Variants in FNTB observed in about 807,000 individuals in gnomAD.
FNTB encodes the protein farnesyltransferase, CAAX box, subunit beta.
A neutral mutation model predicts 59.4 loss-of-function variants in FNTB; 27 were observed. The ratio of observed to expected loss-of-function variants is 0.45; its 90% confidence interval spans 0.34 to 0.63. The LOEUF is 0.63. Ranked by LOEUF, FNTB falls within the 20% of genes least tolerant of loss-of-function variation. The probability of loss-of-function intolerance (pLI) is 0.02; values close to 1 mark genes in which losing one functional copy is unlikely to be tolerated. For missense variants in FNTB, 449 were observed against 559.6 expected (o/e 0.80, Z 1.99); for synonymous variants, 230 against 220.7 (o/e 1.04, Z -0.37).
intron 7 of FNTB, among the ~76,000 whole-genome samples, chr14:65,033,850 C>T (rs965198630): frequency 6.6e-6 from 1 of 152,000 alleles, no homozygotes; most frequent in Non-Finnish European, 1.5e-5. Context: ...GGGCGAGACT[C>T]CATCTCAAAA....
chr14:65,017,113 G>A (rs994161392), intron 4 of FNTB, among the ~76,000 whole-genome samples: 5 of 152,158 alleles, frequency 3.3e-5, no homozygotes, highest in Middle Eastern at 3.4e-3. Context: ...AGTAGAGGTA[G>A]GCTTTCACCA....
rs954038344 is a variant in FNTB, at chr14:65,013,257, A to T, written c.282+868A>T. Among the ~76,000 whole-genome samples the T allele has an allele frequency of 7.9e-5, 12 of 152,202 alleles. 1 individual carries two copies. Among genetic ancestry groups the T allele is most frequent in the African/African-American group, 2.9e-4 (12 of 41,506 alleles). ...GGCTAACTGGAGACCCTGTGCCCTT[A>T]ACTTCTTTCCTGCCCATTACTGCCA... On this transcript the variant is annotated intron_variant, in intron 3 of 11. Transcript: ENST00000246166.
chr14:65,056,310 C>G (rs1353718853), intron 11 of FNTB, among the ~76,000 whole-genome samples: 1 of 152,148 alleles, frequency 6.6e-6, no homozygotes, highest in South Asian at 2.1e-4. Context: ...TCTCTGTTCT[C>G]CTGCTAGTTA....
rs1038289028 is a variant in FNTB at position 65,054,921 on chromosome 14, T to C, written c.1182+232T>C. 2.6e-5 allele frequency among the ~76,000 whole-genome samples: 4 copies of C among 152,218 alleles called. No individual in the cohort carries two copies. The highest frequency in any genetic ancestry group is 9.6e-5 in the African/African-American group (4 of 41,454). ...GGTCTGATCTGTCAAAGAGCTGTTG[T>C]GCCTTTATCCCAGGGCTGAGGACCT... On this transcript the variant is annotated intron_variant, in intron 11 of 11. Coordinates refer to ENST00000246166, the MANE Select transcript of FNTB (RefSeq NM_002028.4). The surrounding 1 kb of genome is among the most constrained non-coding windows in gnomAD (Gnocchi z 4.4).
At chr14:65,018,731 A>C (rs1159390875) in intron 4 of FNTB, among the ~76,000 whole-genome samples, 1 of 150,310 alleles carries the variant, frequency 6.7e-6, no homozygotes, top group Non-Finnish European at 1.5e-5. Context: ...AATTGCTTGA[A>C]TCTGGGAGGT....
Position 65,012,453 on chromosome 14 carries a change from T to TTGAG in FNTB, c.282+65_282+66insGAGT. The TTGAG allele has an allele frequency of 6.2e-7, 1 of 1,603,506 alleles. No homozygotes were observed. Among genetic ancestry groups the TTGAG allele is most frequent in the Non-Finnish European group, 8.5e-7 (1 of 1,172,398 alleles). ...CCACCAAATCCTCCTCCTTTTTCTA[T>TTGAG]TTAAACGTAAAAGACTGTTGGGGCT... On this transcript the variant is annotated intron_variant, in intron 3 of 11. Transcript: ENST00000246166. The surrounding 1 kb of genome is among the most constrained non-coding windows in gnomAD (Gnocchi z 5.0).
rs752063880 is a variant in FNTB at position 65,040,776 on chromosome 14, C to T, written c.693-14C>T. On this transcript the variant is annotated splice_polypyrimidine_tract_variant and intron_variant, in intron 7 of 11. Coordinates refer to ENST00000246166, the MANE Select transcript of FNTB (RefSeq NM_002028.4). ...CACTGGCCACTCATTCTGCTTTTCT[C>T]AATCTCTTCTTAGGTGTCAGAACTG... 9.3e-6 allele frequency: 15 copies of T among 1,609,948 alleles called. No individual in the cohort carries two copies. Among genetic ancestry groups the T allele is most frequent in the Non-Finnish European group, 1.3e-5 (15 of 1,177,940 alleles).
At chr14:65,052,253 G>C (rs1228352951) in intron 9 of FNTB, among the ~76,000 whole-genome samples, 1 of 152,146 alleles carries the variant, frequency 6.6e-6, no homozygotes, top group Non-Finnish European at 1.5e-5. Flanking sequence ...TATGCCTATA[G>C]TGGTATAAGT....
chr14:65,051,112 T>C (rs930839823), intron 9 of FNTB, among the ~76,000 whole-genome samples: 1 of 152,224 alleles, frequency 6.6e-6, no homozygotes, highest in Non-Finnish European at 1.5e-5. Context: ...ATGCTTCTCC[T>C]TAGGTCGGAC....
Position 64,987,138 on chromosome 14 carries a change from T to C in FNTB, c.144+41T>C, listed in dbSNP as rs191661409. The stretch of plus-strand genomic sequence containing the variant: ...TGGGCGAGGCGCCCGCGCGATGTGT[T>C]CTGGGAGCGCGAGTCCCGTTCGTAG... On this transcript the variant is annotated intron_variant, in intron 1 of 11. Coordinates refer to ENST00000246166, the MANE Select transcript of FNTB (RefSeq NM_002028.4). 2,810 of 1,610,596 alleles carry C rather than the reference T, an allele frequency of 1.7e-3. 26 individuals are homozygous for C. The African/African-American group carries it at 0.019, about 11-fold the overall frequency.
At position 65,054,535 on chromosome 14, in the gene FNTB, G is replaced by A; in HGVS notation, c.1068-40G>A. On this transcript the variant is annotated intron_variant, in intron 10 of 11. Transcript: ENST00000246166. The surrounding 1 kb of genome is among the most constrained non-coding windows in gnomAD (Gnocchi z 4.4). ...GTGGCTACATTTGTAGATGTGTGCGGAGCAGAGGAGCGCCTGCTCAGAGCT... is the reference window on the plus strand; with the variant it reads ...GTGGCTACATTTGTAGATGTGTGCGAAGCAGAGGAGCGCCTGCTCAGAGCT... The A allele has an allele frequency of 2.5e-6, 4 of 1,587,668 alleles. No homozygotes were observed. The highest frequency in any genetic ancestry group is 3.4e-6 in the Non-Finnish European group (4 of 1,165,096).
intron 3 of FNTB, among the ~76,000 whole-genome samples, chr14:65,013,828 G>A (rs1161423084): frequency 6.6e-6 from 1 of 152,224 alleles, no homozygotes; most frequent in Non-Finnish European, 1.5e-5. Context: ...GGTTACAGGC[G>A]TGAGCTACTG....
rs1555335249 is a variant in FNTB at position 65,032,013 on chromosome 14, T to TGTAC, written c.606-595_606-594insACGT. 5.5e-4 allele frequency among the ~76,000 whole-genome samples: 84 copies of TGTAC among 151,692 alleles called. No individual in the cohort carries two copies. Among genetic ancestry groups the TGTAC allele is most frequent in the African/African-American group, 2.0e-3 (82 of 41,330 alleles). ...GTGTGTGTGTGTGTGTGTGTGTGTG[T>TGTAC]GTGTGTACTGGTGAGAGGTTTGAAA... On this transcript the variant is annotated intron_variant, in intron 6 of 11. Transcript: ENST00000246166. The surrounding 1 kb of genome is among the most constrained non-coding windows in gnomAD (Gnocchi z 5.0).
chr14:65,032,412 C>T lies in FNTB; in HGVS notation c.606-198C>T. The stretch of plus-strand genomic sequence containing the variant: ...GAATGTCATGTTCTTTCACTGAAGC[C>T]ATGCCGTGAGCAACTCTATCCAAAT... On this transcript the variant is annotated intron_variant, in intron 6 of 11. Transcript: ENST00000246166. This position sits in a 1 kb window ranked among gnomAD's most constrained non-coding sequence, Gnocchi z 5.0. The T allele has an allele frequency of 6.2e-6, 3 of 483,736 alleles. No individual in the cohort carries two copies. The highest frequency in any genetic ancestry group is 1.1e-5 in the Non-Finnish European group (3 of 275,454). The allele number at this position is 483,736 out of a possible 1,614,324, so 30.0% of individuals were successfully genotyped here.
rs1888308019 is a variant in FNTB at position 64,994,119 on chromosome 14, T to A, written c.144+7022T>A. On this transcript the variant is annotated intron_variant, in intron 1 of 11. Transcript: ENST00000246166. This position sits in a 1 kb window ranked among gnomAD's most constrained non-coding sequence, Gnocchi z 4.2. ...ATCCACCCGCTTCCACCTCCCAAAGTGCTGGGATTACAGGCGTGAGGTACC... is the reference window on the plus strand; with the variant it reads ...ATCCACCCGCTTCCACCTCCCAAAGAGCTGGGATTACAGGCGTGAGGTACC... 6.6e-6 allele frequency among the ~76,000 whole-genome samples: 1 copy of A among 152,164 alleles called. No homozygotes were observed. The highest frequency in any genetic ancestry group is 1.5e-5 in the Non-Finnish European group (1 of 68,028).
In FNTB at chr14:65,009,379, G is replaced by A. The variant is rs914817649; in HGVS notation, c.210-2938G>A. On this transcript the variant is annotated intron_variant, in intron 2 of 11. Coordinates refer to ENST00000246166, the MANE Select transcript of FNTB (RefSeq NM_002028.4). The surrounding 1 kb of genome is among the most constrained non-coding windows in gnomAD (Gnocchi z 4.2). ...TAACTGCCTTATAATCCTTTTATTC[G>A]TCTCATGTAGATTCCCTAACACACC... Among the ~76,000 whole-genome samples, 7 of 151,836 alleles carry A rather than the reference G, an allele frequency of 4.6e-5. No individual in the cohort carries two copies. The highest frequency in any genetic ancestry group is 1.5e-4 in the African/African-American group (6 of 41,284).
chr14:65,055,483 C>A (rs1397048938), intron 11 of FNTB, among the ~76,000 whole-genome samples: 1 of 151,834 alleles, frequency 6.6e-6, no homozygotes, highest in African/African-American at 2.4e-5. Context: ...TCATTGTAAC[C>A]TTCCTTTTTT....
In FNTB at chr14:65,054,446, C is replaced by A; in HGVS notation, c.1068-129C>A. 1 of 902,626 alleles carries A rather than the reference C, an allele frequency of 1.1e-6. No individual in the cohort carries two copies. The highest frequency in any genetic ancestry group is 1.7e-6 in the Non-Finnish European group (1 of 596,944). 55.9% of individuals were successfully genotyped at this position (902,626 alleles called of 1,614,324 possible). A position where few individuals can be genotyped will look rare whatever the true frequency, so the allele number is the denominator to read the frequency against. ...AAATAACACTGCTGGGAAAACCATG[C>A]CTCCTCTAGCCACATGGAGGATGGG... On this transcript the variant is annotated intron_variant, in intron 10 of 11. Coordinates refer to ENST00000246166, the MANE Select transcript of FNTB (RefSeq NM_002028.4). This position sits in a 1 kb window ranked among gnomAD's most constrained non-coding sequence, Gnocchi z 4.4.
rs919664181 is a variant in FNTB, at chr14:65,029,111, A to G, written c.605+1330A>G. Among the ~76,000 whole-genome samples the G allele has an allele frequency of 3.2e-4, 49 of 152,108 alleles. No individual in the cohort carries two copies. The highest frequency in any genetic ancestry group is 1.1e-3 in the African/African-American group (46 of 41,402). On this transcript the variant is annotated intron_variant, in intron 6 of 11. Transcript: ENST00000246166. The surrounding 1 kb of genome is among the most constrained non-coding windows in gnomAD (Gnocchi z 4.7). ...GGTTCCCCTGCCAAGCACTGTAGCCATATTCTTCCCTGACCTTTGCTCTTT... is the reference window on the plus strand; with the variant it reads ...GGTTCCCCTGCCAAGCACTGTAGCCGTATTCTTCCCTGACCTTTGCTCTTT...
Sources: allele counts gnomAD v4.1 joint callset (sites outside exome capture counted in the v4.1 genomes callset), GRCh38; gene constraint gnomAD v4.1.1; non-coding constraint Gnocchi (gnomAD v3.1); transcripts MANE v1.5; gene names NCBI Gene and HGNC (gene_info 2026-07-23, HGNC 2026-07-21).